Variants in RBFOX1 observed in about 807,000 individuals in gnomAD.
RBFOX1 encodes RNA binding protein fox-1 homolog 1.
RBFOX1 carries 8 observed loss-of-function variants against 57.7 expected under a neutral mutation model. The ratio of observed to expected loss-of-function variants is 0.14; its 90% confidence interval spans 0.08 to 0.25. RBFOX1 has a LOEUF of 0.25. Among genes scored for constraint, RBFOX1 ranks in the 10% least tolerant of loss-of-function variants. The pLI, the probability that RBFOX1 is intolerant of heterozygous loss-of-function variation, is 1.00. For missense variants in RBFOX1, 611 were observed against 548.5 expected, an observed-to-expected ratio of 1.11 and a Z score of -1.14; for synonymous variants, 326 against 222.4, an observed-to-expected ratio of 1.47 and a Z score of -4.15.
chr16:6,614,438 C>T (rs2098115176), intron 2 of RBFOX1, among the ~76,000 whole-genome samples: 1 of 152,118 alleles, frequency 6.6e-6, no homozygotes, highest in Admixed American at 6.6e-5. Context: ...AAAAGCAGAC[C>T]TGCTTTTTCC....
chr16:6,860,564 C>T (rs1044895691), intron 3 of RBFOX1, among the ~76,000 whole-genome samples: 2 of 152,140 alleles, frequency 1.3e-5, no homozygotes, highest in Admixed American at 6.5e-5. Context: ...TCCCTAAATG[C>T]ACACATGAAG....
chr16:7,200,442 T>C (rs1450661411), intron 4 of RBFOX1, among the ~76,000 whole-genome samples: 1 of 152,226 alleles, frequency 6.6e-6, no homozygotes, highest in Non-Finnish European at 1.5e-5. Flanking sequence ...CAAATGTTTA[T>C]TGCACCTCTA....
intron 5 of RBFOX1, among the ~76,000 whole-genome samples, chr16:7,574,925 C>T (rs769221567): frequency 6.6e-6 from 1 of 152,058 alleles, no homozygotes; most frequent in Admixed American, 6.6e-5. Context: ...GCATTGCCTC[C>T]TGGATAACAG....
intron 4 of RBFOX1, among the ~76,000 whole-genome samples, chr16:7,213,887 G>C (rs1267114184): frequency 6.6e-6 from 1 of 152,150 alleles, no homozygotes; most frequent in Non-Finnish European, 1.5e-5. Context: ...AAGACAGCTA[G>C]AGGGCTTTGC....
chr16:7,682,868 A>T (rs1272715692), intron 14 of RBFOX1, among the ~76,000 whole-genome samples: 2 of 146,640 alleles, frequency 1.4e-5, no homozygotes, highest in Admixed American at 1.4e-4. Context: ...GCCTATTCAG[A>T]CTCTCCTTAG....
intron 1 of RBFOX1, among the ~76,000 whole-genome samples, chr16:5,435,013 T>G (rs991905918): frequency 6.6e-6 from 1 of 152,220 alleles, no homozygotes; most frequent in Non-Finnish European, 1.5e-5. Context: ...GTGACTGTCC[T>G]TGCCACCCAA....
Position 7,510,255 on chromosome 16 carries a change from T to C in RBFOX1, c.28-7892T>C, listed in dbSNP as rs2074663272. The C allele has an allele frequency of 5.1e-6, 5 of 985,862 alleles. No homozygotes were observed. In the South Asian group the frequency reaches 2.3e-4, roughly 46 times the overall value. The allele number at this position is 985,862 out of a possible 1,614,324, so 61.1% of individuals were successfully genotyped here. A position where few individuals can be genotyped will look rare whatever the true frequency, so the allele number is the denominator to read the frequency against. On this transcript the variant is annotated intron_variant, in intron 4 of 15. Coordinates refer to ENST00000550418, the MANE Select transcript of RBFOX1 (RefSeq NM_018723.4). ...TGCTTGGGGCAGATGCTTTGTGGTG[T>C]GGGACAAGAACAGCTGCTAAGTTTA...
chr16:6,429,182 A>G (rs1279081945), intron 2 of RBFOX1, among the ~76,000 whole-genome samples: 1 of 152,218 alleles, frequency 6.6e-6, no homozygotes, highest in Non-Finnish European at 1.5e-5. Flanking sequence ...TTTAATTATC[A>G]TCAAGCAAGT....
chr16:5,823,458 A>G (rs756217762), intron 3 of RBFOX1, among the ~76,000 whole-genome samples: 4 of 152,162 alleles, frequency 2.6e-5, no homozygotes, highest in Non-Finnish European at 5.9e-5. Flanking sequence ...TTGAGAATAT[A>G]ATATGTGTCA....
intron 1 of RBFOX1, among the ~76,000 whole-genome samples, chr16:6,109,029 C>T (rs1186435975): frequency 2.0e-5 from 3 of 152,040 alleles, no homozygotes; most frequent in African/African-American, 7.2e-5. Flanking sequence ...CTTCGGGTGG[C>T]GATTATTCAG....
intron 4 of RBFOX1, among the ~76,000 whole-genome samples, chr16:5,876,207 C>T (rs74410347): frequency 0.14 from 20,596 of 152,094 alleles, 1,897 homozygotes; most frequent in Non-Finnish European, 0.2. Flanking sequence ...GGGGGAAAAA[C>T]AGCTAACTTT....
At chr16:7,430,489 G>A (rs372028101) in intron 4 of RBFOX1, among the ~76,000 whole-genome samples, 6 of 151,868 alleles carry the variant, frequency 4.0e-5, no homozygotes, top group Admixed American at 6.6e-5. Context: ...GTGAAACCCC[G>A]TCTTTACTAA....
chr16:5,506,305 G>A (rs1030680288), intron 2 of RBFOX1, among the ~76,000 whole-genome samples: 2 of 152,206 alleles, frequency 1.3e-5, no homozygotes, highest in African/African-American at 4.8e-5. Context: ...GCAGCCTGCA[G>A]GCACAGAGAC....
intron 5 of RBFOX1, among the ~76,000 whole-genome samples, chr16:7,566,412 C>T (rs2091700461): frequency 6.6e-6 from 1 of 152,112 alleles, no homozygotes. Flanking sequence ...TACGTGCCTG[C>T]TCTTAGACTT....
chr16:7,155,724 T>G (rs867949474), intron 4 of RBFOX1, among the ~76,000 whole-genome samples: 1 of 98,374 alleles, frequency 1.0e-5, no homozygotes, highest in Non-Finnish European at 1.9e-5. Flanking sequence ...TATATATATA[T>G]ATATATATAT....
At chr16:6,986,066 C>G (rs144063973) in intron 3 of RBFOX1, among the ~76,000 whole-genome samples, 223 of 151,354 alleles carry the variant, frequency 1.5e-3, no homozygotes, top group African/African-American at 5.1e-3. Context: ...TTTCATTTGT[C>G]TTTTTAAAAA....
chr16:5,625,574 T>A (rs200784031), intron 3 of RBFOX1, among the ~76,000 whole-genome samples: 1 of 58,964 alleles, frequency 1.7e-5, no homozygotes, highest in Non-Finnish European at 4.9e-5. Flanking sequence ...TTATTTATTT[T>A]CGAGATGGAG....
intron 1 of RBFOX1, among the ~76,000 whole-genome samples, chr16:6,142,173 C>G (rs998224308): frequency 8.3e-5 from 9 of 107,864 alleles, no homozygotes; most frequent in African/African-American, 1.2e-4. Flanking sequence ...TTCAGAGATC[C>G]TTGTTGCTGC....
chr16:7,184,721 T>A (rs145135422), intron 4 of RBFOX1, among the ~76,000 whole-genome samples: 5 of 152,178 alleles, frequency 3.3e-5, no homozygotes, highest in African/African-American at 9.7e-5. Context: ...CTCTAAAAAT[T>A]TGGGGCAATG....
Sources: allele counts gnomAD v4.1 joint callset (sites outside exome capture counted in the v4.1 genomes callset), GRCh38; gene constraint gnomAD v4.1.1; transcripts MANE v1.5; gene names NCBI Gene and HGNC (gene_info 2026-07-23, HGNC 2026-07-21).